NLRP1: variants seen among roughly 807,000 people sequenced by gnomAD.
NLRP1 encodes the protein NACHT, LRR and PYD domains-containing protein 1.
In NLRP1, 94 loss-of-function variants were observed where a neutral mutation model predicts 136.7. The ratio of observed to expected loss-of-function variants is 0.69; its 90% CI spans 0.58 to 0.82. The LOEUF (loss-of-function observed/expected upper bound fraction) is 0.82, where lower values mean the gene tolerates loss of function less well. Ranked by LOEUF, NLRP1 falls within the 40% of genes least tolerant of loss-of-function variation. The pLI is 0.00. For missense variants in NLRP1, 1,575 were observed against 1,802.7 expected (o/e 0.87, Z 2.29); for synonymous variants, 690 against 725.1 (o/e 0.95, Z 0.78).
intron 3 of NLRP1, among the ~76,000 whole-genome samples, chr17:5,577,046 T>C (rs993760829): frequency 6.6e-6 from 1 of 152,158 alleles, no homozygotes; most frequent in Non-Finnish European, 1.5e-5. Flanking sequence ...GAAAAGGCCT[T>C]TGAAAAAATT....
chr17:5,551,534 G>A (rs1391422431), intron 5 of NLRP1, among the ~76,000 whole-genome samples: 1 of 152,094 alleles, frequency 6.6e-6, no homozygotes. Context: ...ACTCATTTTG[G>A]TAAATATCAA....
intron 12 of NLRP1, among the ~76,000 whole-genome samples, chr17:5,527,485 G>A (rs1252849409): frequency 6.6e-6 from 1 of 152,080 alleles, no homozygotes; most frequent in Non-Finnish European, 1.5e-5. Flanking sequence ...GAGGGGTAGG[G>A]GTGTAGCTCT....
chr17:5,502,130 T>C (rs1597383894), intron 15 of NLRP1: 2 of 416,542 alleles, frequency 4.8e-6, no homozygotes, highest in Non-Finnish European at 9.0e-6. Flanking sequence ...TAGTGGTAGG[T>C]ACTCAGGTTT....
At chr17:5,542,048 T>C (rs1911932806) in intron 5 of NLRP1, 21 bp from the exon 6 acceptor site, 1 of 1,607,212 alleles carries the variant, frequency 6.2e-7, no homozygotes, top group African/African-American at 1.3e-5. Flanking sequence ...CACACACCCA[T>C]GGTCTTCAGG....
intron 15 of NLRP1, chr17:5,502,078 C>T (rs1907118836): frequency 1.9e-6 from 1 of 520,268 alleles, no homozygotes; most frequent in Non-Finnish European, 3.5e-6. Flanking sequence ...CTCTATCCTA[C>T]AGCGTTGCCA....
chr17:5,507,284 T>A (rs1230902653), intron 15 of NLRP1, among the ~76,000 whole-genome samples: 2 of 152,142 alleles, frequency 1.3e-5, no homozygotes, highest in African/African-American at 4.8e-5. Context: ...GTGAGGACAT[T>A]TTGTTCTCCC....
chr17:5,512,596 G>A (rs35865013), downstream of NLRP1: 197,567 of 489,844 alleles, frequency 0.4, 42,900 homozygotes, highest in East Asian at 0.76. Flanking sequence ...TGGGTGGGGC[G>A]TGAAGGACCC....
At chr17:5,512,022 T>C, downstream of NLRP1, 3 of 596,864 alleles carry the variant, frequency 5.0e-6, no homozygotes, top group South Asian at 1.8e-5. Flanking sequence ...TGGTAACTAA[T>C]GACAGTACTA....
At chr17:5,513,603 G>T (rs757056687), downstream of NLRP1, among the ~76,000 whole-genome samples, 1 of 152,190 alleles carries the variant, frequency 6.6e-6, no homozygotes, top group Admixed American at 6.5e-5. Context: ...CATTCGATCA[G>T]GTACGAAGAC....
At chr17:5,565,935 C>T (rs1915284392) in intron 3 of NLRP1, among the ~76,000 whole-genome samples, 1 of 152,034 alleles carries the variant, frequency 6.6e-6, no homozygotes, top group African/African-American at 2.4e-5. Context: ...GAGATTTGTC[C>T]ATTTCTTCTA....
chr17:5,543,198 T>C (rs1272226050), intron 5 of NLRP1, among the ~76,000 whole-genome samples: 1 of 152,096 alleles, frequency 6.6e-6, no homozygotes, highest in Non-Finnish European at 1.5e-5. Context: ...GCTTAGTAAG[T>C]ATGTAGTAAA....
chr17:5,580,890 G>A (rs918899077), intron 3 of NLRP1, among the ~76,000 whole-genome samples: 4 of 152,148 alleles, frequency 2.6e-5, no homozygotes, highest in African/African-American at 9.7e-5. Flanking sequence ...TAACTCGAAT[G>A]TTGATCTTTC....
At chr17:5,566,239 CTCTT>C (rs926106537) in intron 3 of NLRP1, among the ~76,000 whole-genome samples, 3 of 151,772 alleles carry the variant, frequency 2.0e-5, no homozygotes, top group African/African-American at 7.3e-5. Context: ...CTGCTTTTCT[CTCTT>C]TAAGATGCAT....
chr17:5,561,290 C>G (rs540097832), intron 3 of NLRP1, among the ~76,000 whole-genome samples: 1 of 152,178 alleles, frequency 6.6e-6, no homozygotes, highest in East Asian at 1.9e-4. Context: ...CCTGACCTCA[C>G]GTGATCTGCC....
chr17:5,574,923 C>T (rs1001445493), intron 3 of NLRP1, among the ~76,000 whole-genome samples: 5 of 152,030 alleles, frequency 3.3e-5, no homozygotes, highest in African/African-American at 1.2e-4. Flanking sequence ...CTCGGCCTCC[C>T]AAAATGCTGG....
intron 15 of NLRP1, among the ~76,000 whole-genome samples, chr17:5,506,854 AC>A (rs1907363323): frequency 6.7e-6 from 1 of 148,560 alleles, no homozygotes; most frequent in Non-Finnish European, 1.5e-5. Context: ...GTAAGCTGAG[AC>A]TGCACCACTG....
chr17:5,523,721 G>A (rs1909190481), intron 12 of NLRP1, among the ~76,000 whole-genome samples: 1 of 152,206 alleles, frequency 6.6e-6, no homozygotes, highest in Non-Finnish European at 1.5e-5. Context: ...TGCAATGCAA[G>A]TGGTTTCTGG....
At chr17:5,555,455 C>G (rs890704318) in intron 4 of NLRP1, among the ~76,000 whole-genome samples, 4 of 152,082 alleles carry the variant, frequency 2.6e-5, no homozygotes, top group Non-Finnish European at 5.9e-5. Flanking sequence ...CTGACTTTCC[C>G]ACGGCATTCT....
intron 5 of NLRP1, among the ~76,000 whole-genome samples, chr17:5,542,258 T>G (rs895661291): frequency 2.6e-5 from 4 of 152,188 alleles, no homozygotes; most frequent in African/African-American, 9.6e-5. Context: ...TTTTCCCACA[T>G]TACTCAGAAT....
Sources: gnomAD v4.1 joint callset for allele counts (sites outside exome capture counted in the v4.1 genomes callset) on GRCh38, gnomAD v4.1.1 for gene constraint, MANE v1.5 for transcripts, NCBI Gene and HGNC (gene_info 2026-07-23, HGNC 2026-07-21) for gene names.